Variants in PCDHGB2 observed in about 807,000 individuals in gnomAD.
PCDHGB2 encodes the protein protocadherin gamma-B2.
Under a neutral mutation model 59.3 loss-of-function variants are expected in PCDHGB2, and 55 were observed. The observed-to-expected ratio is 0.93, with a 90% CI of 0.75 to 1.16. PCDHGB2 has a LOEUF of 1.16. Ranked by LOEUF, PCDHGB2 falls within the 50% of genes most tolerant of loss-of-function variation. The pLI is 0.00. For missense variants in PCDHGB2, 1,228 were observed against 1,198.5 expected, an observed-to-expected ratio of 1.02 and a Z score of -0.36; for synonymous variants, 516 against 512.0, an observed-to-expected ratio of 1.01 and a Z score of -0.11.
chr5:141,402,091 G>C (rs1453803021), intron 1 of PCDHGB2, among the ~76,000 whole-genome samples: 2 of 152,088 alleles, frequency 1.3e-5, no homozygotes, highest in Non-Finnish European at 2.9e-5. Context: ...TAGCAGAAAA[G>C]TTTAAGCAAT....
At chr5:141,383,438 T>G (rs771107415) in intron 1 of PCDHGB2, 1 of 1,613,960 alleles carries the variant, frequency 6.2e-7, no homozygotes, top group South Asian at 1.1e-5. Flanking sequence ...CACTTCTCCC[T>G]GGCTGTGCAA....
chr5:141,376,294 C>G lies in PCDHGB2; in HGVS notation c.2421+13738C>G, dbSNP rs572453488. Reference sequence around the variant, plus strand: ...GAGGTGGCTTAGCGAGCATGCCCGGCTCGCACTTTGTGGGCGTGGAAGGGG... The same window carrying G: ...GAGGTGGCTTAGCGAGCATGCCCGGGTCGCACTTTGTGGGCGTGGAAGGGG... On this transcript the variant is annotated intron_variant, in intron 1 of 3. Transcript: ENST00000522605. 8.7e-6 allele frequency: 14 copies of G among 1,614,226 alleles called. No individual in the cohort carries two copies. The Admixed American group carries it at 2.3e-4, about 27-fold the overall frequency.
At chr5:141,400,394 G>A in intron 1 of PCDHGB2, 2 of 1,614,072 alleles carry the variant, frequency 1.2e-6, no homozygotes, top group Non-Finnish European at 1.7e-6. Context: ...GCACATACAG[G>A]AAAGACGGAG....
intron 1 of PCDHGB2, among the ~76,000 whole-genome samples, chr5:141,455,749 C>A (rs2098830563): frequency 6.6e-6 from 1 of 152,086 alleles, no homozygotes; most frequent in Non-Finnish European, 1.5e-5. Context: ...AGGTTGCTGG[C>A]CTGGCTCCTA....
intron 1 of PCDHGB2, chr5:141,375,434 A>G (rs1423365367): frequency 1.9e-6 from 3 of 1,613,800 alleles, no homozygotes; most frequent in Non-Finnish European, 2.5e-6. Flanking sequence ...CAACCCGCCC[A>G]CCTTCCCCCA....
intron 1 of PCDHGB2, chr5:141,418,168 G>T (rs2096233804): frequency 6.2e-7 from 1 of 1,613,946 alleles, no homozygotes. Context: ...GAAGATGTGA[G>T]TTGCAATTGG....
At chr5:141,446,263 C>T (rs2098496356) in intron 1 of PCDHGB2, among the ~76,000 whole-genome samples, 1 of 152,010 alleles carries the variant, frequency 6.6e-6, no homozygotes, top group East Asian at 1.9e-4. Flanking sequence ...ATATTATTAA[C>T]TGAATAAATA....
At chr5:141,413,271 C>T in intron 1 of PCDHGB2, 1 of 1,613,940 alleles carries the variant, frequency 6.2e-7, no homozygotes, top group Non-Finnish European at 8.5e-7. Flanking sequence ...AGGCTGGAGC[C>T]CGGCAGATCT....
intron 1 of PCDHGB2, among the ~76,000 whole-genome samples, chr5:141,466,670 G>A (rs994949602): frequency 9.2e-5 from 14 of 152,046 alleles, no homozygotes; most frequent in African/African-American, 2.2e-4. Flanking sequence ...TGATTTCACC[G>A]TTCTTCCACT....
At position 141,510,979 on chromosome 5, in the gene PCDHGB2, G is replaced by T; in HGVS notation, c.2602G>T (p.Gly868Cys). 3.7e-6 allele frequency: 6 copies of T among 1,614,156 alleles called. No individual in the cohort carries two copies. Among genetic ancestry groups the T allele is most frequent in the Non-Finnish European group, 4.2e-6 (5 of 1,180,018 alleles). Residue 868 changes from glycine to cysteine, a missense_variant, in exon 4 of 4, where the codon GGT becomes TGT. Gly to Cys is a radical substitution (Grantham distance 159). This residue lies in a region of PCDHGB2 where 433 missense variants were observed against 441.8 expected (regional missense o/e 0.98). Coordinates refer to ENST00000522605, the MANE Select transcript of PCDHGB2 (RefSeq NM_018923.3). ...TGATGGGAGCTCCACCCTGGGAGGGGGTGCCGGCACCATGGGATTGAGCGC... is the reference window on the plus strand; with the variant it reads ...TGATGGGAGCTCCACCCTGGGAGGGTGTGCCGGCACCATGGGATTGAGCGC... Reference protein sequence around the residue: ...AADGSSTLGGGAGTMGLSARY... With the variant: ...AADGSSTLGGCAGTMGLSARY...
chr5:141,424,692 T>C (rs910540428), intron 1 of PCDHGB2: 2 of 152,004 alleles, frequency 1.3e-5, no homozygotes, highest in African/African-American at 4.8e-5. Context: ...CTTCTGGCTA[T>C]TTTTTTGTTC....
At chr5:141,428,489 T>C (rs2097142285) in intron 1 of PCDHGB2, 1 of 312,516 alleles carries the variant, frequency 3.2e-6, no homozygotes. Context: ...TCCTGCAATC[T>C]GTATGTTCCC....
intron 3 of PCDHGB2, among the ~76,000 whole-genome samples, chr5:141,505,942 G>A (rs2099849309): frequency 6.6e-6 from 1 of 152,192 alleles, no homozygotes; most frequent in African/African-American, 2.4e-5. Flanking sequence ...AAGCCCTCAA[G>A]CAATGAAAGT....
At chr5:141,416,832 A>T (rs2154546669) in intron 1 of PCDHGB2, 1 of 152,168 alleles carries the variant, frequency 6.6e-6, no homozygotes, top group East Asian at 1.9e-4. Context: ...GTTTCTCAAG[A>T]CCCTTATAAT....
intron 1 of PCDHGB2, chr5:141,398,657 GT>G: frequency 6.2e-7 from 1 of 1,614,018 alleles, no homozygotes; most frequent in South Asian, 1.1e-5. Context: ...CTTAACCCAA[GT>G]TTCTCATTAA....
chr5:141,403,687 G>A, intron 1 of PCDHGB2: 1 of 1,613,872 alleles, frequency 6.2e-7, no homozygotes, highest in East Asian at 2.2e-5. Context: ...TTGCTCAACG[G>A]ATTTACCGAG....
intron 1 of PCDHGB2, among the ~76,000 whole-genome samples, chr5:141,483,646 GTT>G (rs2099584256): frequency 6.8e-6 from 1 of 146,706 alleles, no homozygotes; most frequent in Admixed American, 6.7e-5. Flanking sequence ...AGGGGTGTGT[GTT>G]TGTGTGTGTG....
At chr5:141,398,916 A>G (rs2150766485) in intron 1 of PCDHGB2, 1 of 1,614,022 alleles carries the variant, frequency 6.2e-7, no homozygotes, top group Non-Finnish European at 8.5e-7. Context: ...CTGTGTTGCA[A>G]GTGTCAGCCA....
At chr5:141,382,125 GC>G (rs1470370841) in intron 1 of PCDHGB2, among the ~76,000 whole-genome samples, 1 of 151,872 alleles carries the variant, frequency 6.6e-6, no homozygotes, top group East Asian at 1.9e-4. Flanking sequence ...ACAGCACCTG[GC>G]CCCCCCTCTC....
Sources: gnomAD v4.1 joint callset for allele counts (sites outside exome capture counted in the v4.1 genomes callset) on GRCh38, gnomAD v4.1.1 for gene constraint, gnomAD v4.1.1 regional missense constraint, MANE v1.5 for transcripts, NCBI Gene and HGNC (gene_info 2026-07-23, HGNC 2026-07-21) for gene names.